The following EFCAB8 variants were observed in gnomAD, a reference collection of about 807,000 sequenced individuals.
The protein encoded by EFCAB8 is EF-hand calcium-binding domain-containing protein 8.
EFCAB8 carries 100 observed loss-of-function variants against 116.3 expected under a neutral mutation model. That is an observed-to-expected ratio of 0.86 (90% CI 0.73 to 1.02). The LOEUF is 1.02. EFCAB8 is among the 50% of genes least tolerant of loss of function. The pLI, the probability that EFCAB8 is intolerant of heterozygous loss-of-function variation, is 0.00. For synonymous variants in EFCAB8, 558 were observed against 567.9 expected (o/e 0.98, Z 0.25); for missense variants, 1,320 against 1,416.9 (o/e 0.93, Z 1.10).
At position 32,943,726 on chromosome 20, in the gene EFCAB8, G is replaced by A; in HGVS notation, c.2881G>A (p.Val961Met). ...GAATAGTGTGGCAGACATCCTGTAT[G>A]TGGACAACTTCCAGCTGGTTATCAG... is the stretch of plus-strand genomic sequence containing the variant. Reference protein sequence around the residue: ...HLNSVADILYVDNFQLVISAG... With the variant: ...HLNSVADILYMDNFQLVISAG... The change falls in exon 23 of 27, where the codon GTG becomes ATG. Residue 961 changes from valine (V) to methionine (M), a missense_variant. By Grantham distance (21) the Val-to-Met change is conservative (BLOSUM62 1). Transcript: ENST00000400522. 7.2e-6 allele frequency: 3 copies of A among 416,920 alleles called. No homozygotes were observed. 25.8% of individuals were successfully genotyped at this position (416,920 alleles called of 1,614,324 possible).
intron 5 of EFCAB8, among the ~76,000 whole-genome samples, chr20:32,879,616 G>A (rs1288030755): frequency 2.0e-5 from 3 of 152,166 alleles, no homozygotes. Context: ...GGGTTTTCAT[G>A]CTAGGTTCAA....
rs1017122565 is a variant in EFCAB8, at chr20:32,896,397, C to T, written c.884-57C>T. 11 of 707,996 alleles carry T rather than the reference C, an allele frequency of 1.6e-5. No homozygotes were observed. In the African/African-American group the frequency reaches 2.0e-4, roughly 13 times the overall value. 43.9% of individuals were successfully genotyped at this position (707,996 alleles called of 1,614,324 possible). ...ACTCAAGACGTCTTCTGAGGCTTTG[C>T]TTGCCAAGCGAAGGGGGAAAGCTGC... is the stretch of plus-strand genomic sequence containing the variant. On this transcript the variant is annotated intron_variant, in intron 9 of 26. Coordinates refer to ENST00000400522, the MANE Select transcript of EFCAB8 (RefSeq NM_001143967.2).
rs1328928096 is a variant in EFCAB8 at position 32,867,635 on chromosome 20, A to G, written c.96A>G (p.Pro32=). ...QNKEAASSPT[P]SITLSQVPDL... is the part of the protein sequence containing the mutation. Reference sequence around the variant, plus strand: ...AGGAGGCTGCTAGCTCCCCAACACCATCCATCACCCTTAGCCAGGTGCCTG... The same window carrying G: ...AGGAGGCTGCTAGCTCCCCAACACCGTCCATCACCCTTAGCCAGGTGCCTG... Residue 32 remains proline, a synonymous_variant, in exon 3 of 27, where the codon CCA becomes CCG. Coordinates refer to ENST00000400522, the MANE Select transcript of EFCAB8 (RefSeq NM_001143967.2). The G allele has an allele frequency of 6.4e-7, 1 of 1,551,568 alleles. No homozygotes were observed. Among genetic ancestry groups the G allele is most frequent in the Non-Finnish European group, 8.7e-7 (1 of 1,146,964 alleles).
At chr20:32,944,499 G>T (rs750469755) in intron 23 of EFCAB8, among the ~76,000 whole-genome samples, 4 of 152,010 alleles carry the variant, frequency 2.6e-5, no homozygotes, top group Non-Finnish European at 5.9e-5. Flanking sequence ...AGTGACTTAT[G>T]TGCCACTATT....
At chr20:32,958,354 A>C in intron 23 of EFCAB8, 67 bp from the exon 24 acceptor site, 1 of 414,496 alleles carries the variant, frequency 2.4e-6, no homozygotes, top group East Asian at 3.6e-5. Flanking sequence ...GGGAGAGGAT[A>C]AGGGGCAGAG....
chr20:32,869,461 C>G (rs146947174), intron 3 of EFCAB8, among the ~76,000 whole-genome samples: 3,748 of 152,282 alleles, frequency 0.025, 66 homozygotes, highest in Middle Eastern at 0.048. Context: ...GTCTCGAGCT[C>G]CCGACCTCAG....
intron 22 of EFCAB8, among the ~76,000 whole-genome samples, chr20:32,939,363 A>G (rs1257114816): frequency 7.0e-6 from 1 of 142,660 alleles, no homozygotes; most frequent in Non-Finnish European, 1.5e-5. Flanking sequence ...GCTCACTGCA[A>G]CCTCCGCCTC....
At chr20:32,893,439 TGCATGCCGCTCA>T in intron 9 of EFCAB8, 141 bp downstream of exon 9, 1 of 1,267,316 alleles carries the variant, frequency 7.9e-7, no homozygotes, top group Non-Finnish European at 1.1e-6. Flanking sequence ...AAGCGCAGGG[TGCATGCCGCTCA>T]GCTCAGCACA....
chr20:32,915,301 G>A (rs949002507), intron 17 of EFCAB8, among the ~76,000 whole-genome samples: 2 of 152,186 alleles, frequency 1.3e-5, no homozygotes, highest in Admixed American at 6.5e-5. Flanking sequence ...CCTTCAATAT[G>A]TTACATAGAA....
intron 14 of EFCAB8, among the ~76,000 whole-genome samples, chr20:32,909,529 A>G (rs1986822707): frequency 6.6e-6 from 1 of 152,066 alleles, no homozygotes; most frequent in African/African-American, 2.4e-5. Flanking sequence ...GGAACACCTG[A>G]TTGAGGCTTC....
chr20:32,908,338 G>A lies in EFCAB8; in HGVS notation c.1372G>A (p.Ala458Thr). ...CLQSFCGKFF[A>T]LGNCPITSAY... ...CCAGTCCTTCTGTGGGAAGTTTTTT[G>A]CTCTGGGAAACTGCCCCATCACCAG... Residue 458 changes from alanine (A) to threonine (T), a missense_variant, in exon 14 of 27, where the codon GCT becomes ACT. Physicochemically the swap from Ala to Thr is moderately conservative, Grantham distance 58. Coordinates refer to ENST00000400522, the MANE Select transcript of EFCAB8 (RefSeq NM_001143967.2). The A allele has an allele frequency of 8.0e-7, 1 of 1,249,910 alleles. No homozygotes were observed. Among genetic ancestry groups the A allele is most frequent in the African/African-American group, 1.5e-5 (1 of 64,588 alleles). The allele number at this position is 1,249,910 out of a possible 1,614,324, so 77.4% of individuals were successfully genotyped here.
At chr20:32,936,026 T>A (rs1309589190) in intron 22 of EFCAB8, among the ~76,000 whole-genome samples, 5 of 151,918 alleles carry the variant, frequency 3.3e-5, no homozygotes, top group African/African-American at 1.2e-4. Context: ...TTATTTTTAT[T>A]TTTATTTTTA....
At chr20:32,889,708 A>G (rs1418463100) in intron 7 of EFCAB8, among the ~76,000 whole-genome samples, 1 of 152,068 alleles carries the variant, frequency 6.6e-6, no homozygotes. Context: ...TGTCACTTAA[A>G]TAGCCTCTCC....
intron 13 of EFCAB8, 140 bp downstream of exon 13, chr20:32,907,134 G>A (rs1457272682): frequency 2.8e-6 from 4 of 1,422,832 alleles, no homozygotes; most frequent in East Asian, 5.1e-5. Context: ...AGGAAGGTGA[G>A]GGTGGCCATG....
intron 22 of EFCAB8, among the ~76,000 whole-genome samples, chr20:32,942,853 A>G (rs981524371): frequency 1.3e-5 from 2 of 152,166 alleles, no homozygotes; most frequent in Admixed American, 1.3e-4. Context: ...ATAGTTCATC[A>G]GGTATCCTAC....
chr20:32,897,516 C>T (rs1251677260), intron 10 of EFCAB8, among the ~76,000 whole-genome samples: 2 of 151,158 alleles, frequency 1.3e-5, no homozygotes, highest in Non-Finnish European at 2.9e-5. Flanking sequence ...GATCATGGCT[C>T]ACTGCAGCCT....
At position 32,939,228 on chromosome 20, in the gene EFCAB8, T is replaced by C. The variant is rs1600453079; in HGVS notation, c.2791-4408T>C. On this transcript the variant is annotated intron_variant, in intron 22 of 26. Transcript: ENST00000400522. ...CCTCTCTCTCTCTCTCTCTCTCTCT[T>C]TCCCTCCCTCCCTGCCTTCCTTCCT... 1.6e-4 allele frequency among the ~76,000 whole-genome samples: 19 copies of C among 116,100 alleles called. 1 individual carries two copies. Among genetic ancestry groups the C allele is most frequent in the Admixed American group, 1.4e-3 (17 of 11,844 alleles). The allele number at this position is 116,100 out of a possible 152,430, so 76.2% of individuals were successfully genotyped here.
At chr20:32,866,814 TTCCTTCCTTCCTTCCC>T (rs1207666854) in intron 2 of EFCAB8, among the ~76,000 whole-genome samples, 5 of 137,526 alleles carry the variant, frequency 3.6e-5, no homozygotes, top group East Asian at 2.6e-4. Flanking sequence ...CCTCCCTCTC[TTCCTTCCTTCCTTCCC>T]TCCTTCCTTC....
chr20:32,931,112 G>A lies in EFCAB8; in HGVS notation c.2632-66G>A, dbSNP rs981310387. The A allele has an allele frequency of 3.7e-6, 5 of 1,348,566 alleles. No individual in the cohort carries two copies. The African/African-American group carries it at 7.4e-5, about 20-fold the overall frequency. The allele number at this position is 1,348,566 out of a possible 1,614,324, so 83.5% of individuals were successfully genotyped here. A position where few individuals can be genotyped will look rare whatever the true frequency, so the allele number is the denominator to read the frequency against. ...AATGAAGAGGAATGGTCTGGGAGGAGCCCGCAGAGTGAGTTGGGGTCTGGG... is the reference window on the plus strand; with the variant it reads ...AATGAAGAGGAATGGTCTGGGAGGAACCCGCAGAGTGAGTTGGGGTCTGGG... On this transcript the variant is annotated intron_variant, in intron 21 of 26. Coordinates refer to ENST00000400522, the MANE Select transcript of EFCAB8 (RefSeq NM_001143967.2).
Sources: gnomAD v4.1 joint callset for allele counts (sites outside exome capture counted in the v4.1 genomes callset) on GRCh38, gnomAD v4.1.1 for gene constraint, MANE v1.5 for transcripts, NCBI Gene and HGNC (gene_info 2026-07-23, HGNC 2026-07-21) for gene names.